GTF2IRD1: variants seen among roughly 807,000 people sequenced by gnomAD.
The protein encoded by GTF2IRD1 is general transcription factor II-I repeat domain-containing protein 1.
Under a neutral mutation model 113.2 loss-of-function variants are expected in GTF2IRD1, and 26 were observed. That is an observed-to-expected ratio of 0.23 (90% confidence interval 0.17 to 0.32). The LOEUF (loss-of-function observed/expected upper bound fraction) is 0.32. GTF2IRD1 is among the 10% of genes least tolerant of loss of function. The pLI, the probability that GTF2IRD1 is intolerant of heterozygous loss-of-function variation, is 1.00. For missense variants in GTF2IRD1, 864 were observed against 1,280.8 expected (o/e 0.67, Z 4.97); for synonymous variants, 484 against 529.1 (o/e 0.91, Z 1.17).
chr7:74,474,711 G>A (rs1483908091), intron 1 of GTF2IRD1, among the ~76,000 whole-genome samples: 1 of 152,146 alleles, frequency 6.6e-6, no homozygotes, highest in African/African-American at 2.4e-5. Context: ...GTTGCGAGAT[G>A]CCCATCAGCA....
chr7:74,486,600 C>T (rs1795041877), intron 1 of GTF2IRD1, among the ~76,000 whole-genome samples: 1 of 152,074 alleles, frequency 6.6e-6, no homozygotes, highest in Admixed American at 6.6e-5. Flanking sequence ...GTGGCCCCTA[C>T]AGAAGAGGAG....
At chr7:74,509,718 G>A (rs879966684) in intron 2 of GTF2IRD1, among the ~76,000 whole-genome samples, 11 of 151,928 alleles carry the variant, frequency 7.2e-5, no homozygotes, top group Non-Finnish European at 1.3e-4. Flanking sequence ...CTGTCGCCAG[G>A]CTGGAGTGCA....
In GTF2IRD1 at chr7:74,583,586, T is replaced by TACAGTAGCTGTAGAAAGAAGCTA. The variant is rs1583955225; in HGVS notation, c.2321-6265_2321-6264insACAGTAGCTGTAGAAAGAAGCTA. 3.3e-5 allele frequency among the ~76,000 whole-genome samples: 5 copies of TACAGTAGCTGTAGAAAGAAGCTA among 151,670 alleles called. No individual in the cohort carries two copies. In the East Asian group the frequency reaches 9.7e-4, roughly 29 times the overall value. On this transcript the variant is annotated intron_variant, in intron 22 of 26. Transcript: ENST00000424337. ...ACGCCTCCCCAAACTGCCAGCCCCCTCAGCCAGCCCGGCCCCACTTTCCTG... is the reference window on the plus strand; with the variant it reads ...ACGCCTCCCCAAACTGCCAGCCCCCTACAGTAGCTGTAGAAAGAAGCTACAGCCAGCCCGGCCCCACTTTCCTG...
At chr7:74,563,926 A>G (rs587740952) in intron 22 of GTF2IRD1, among the ~76,000 whole-genome samples, 3 of 151,718 alleles carry the variant, frequency 2.0e-5, no homozygotes, top group African/African-American at 7.3e-5. Context: ...AGATTTTTTT[A>G]GGTCACTTAT....
At chr7:74,571,350 G>C (rs1262381290) in intron 22 of GTF2IRD1, among the ~76,000 whole-genome samples, 1 of 152,228 alleles carries the variant, frequency 6.6e-6, no homozygotes, top group Admixed American at 6.5e-5. Context: ...AGGATGGAGC[G>C]GGGACAGCCT....
In GTF2IRD1 at chr7:74,575,143, CG is replaced by C. The variant is rs1800961454; in HGVS notation, c.2321-14702del. Among the ~76,000 whole-genome samples the C allele has an allele frequency of 2.0e-5, 3 of 152,072 alleles. No homozygotes were observed. The South Asian group carries it at 6.2e-4, about 32-fold the overall frequency. On this transcript the variant is annotated intron_variant, in intron 22 of 26. Coordinates refer to ENST00000424337, the MANE Select transcript of GTF2IRD1 (RefSeq NM_005685.4). ...GCCTCACGGAGCCTACATGGTGGGGCGGGGGGATAAACAGAAAATCTGCAAA... is the reference window on the plus strand; with the variant it reads ...GCCTCACGGAGCCTACATGGTGGGGCGGGGGATAAACAGAAAATCTGCAAA...
intron 22 of GTF2IRD1, among the ~76,000 whole-genome samples, chr7:74,565,688 G>T (rs1554360483): frequency 1.3e-5 from 2 of 151,036 alleles, no homozygotes; most frequent in African/African-American, 2.4e-5. Context: ...ACCTAAAGGG[G>T]GTCGGGCATG....
intron 1 of GTF2IRD1, among the ~76,000 whole-genome samples, chr7:74,476,657 G>A (rs1268810030): frequency 1.3e-5 from 2 of 151,970 alleles, no homozygotes; most frequent in African/African-American, 4.8e-5. Flanking sequence ...GTACTCTCCT[G>A]CCTCTAGCCT....
chr7:74,601,266 G>C (rs782742190), intron 26 of GTF2IRD1, 86 bp downstream of exon 26: 42 of 1,550,654 alleles, frequency 2.7e-5, no homozygotes, highest in Non-Finnish European at 3.7e-5. Flanking sequence ...CTGGGATGTG[G>C]GCCCAGGGGA....
intron 16 of GTF2IRD1, among the ~76,000 whole-genome samples, chr7:74,546,566 G>A (rs1554353302): frequency 6.6e-6 from 1 of 152,100 alleles, no homozygotes; most frequent in Non-Finnish European, 1.5e-5. Context: ...CGTGTCCTAA[G>A]ACCCACTTTA....
intron 16 of GTF2IRD1, among the ~76,000 whole-genome samples, chr7:74,546,794 G>A (rs1229130765): frequency 2.6e-5 from 4 of 152,218 alleles, no homozygotes; most frequent in Non-Finnish European, 5.9e-5. Flanking sequence ...AGCCATTAGT[G>A]GTGGCTTCTG....
chr7:74,579,246 T>A (rs1554365419), intron 22 of GTF2IRD1, among the ~76,000 whole-genome samples: 5 of 152,140 alleles, frequency 3.3e-5, no homozygotes. Flanking sequence ...AGGTCAAGGC[T>A]GCAGTGAGCT....
At chr7:74,530,037 C>G (rs1740488577) in intron 9 of GTF2IRD1, 120 bp downstream of exon 9, 2 of 670,222 alleles carry the variant, frequency 3.0e-6, no homozygotes, top group Admixed American at 5.3e-5. Context: ...TGGCAAAACC[C>G]CGTCTCTATT....
intron 8 of GTF2IRD1, among the ~76,000 whole-genome samples, chr7:74,525,991 T>C (rs1554347166): frequency 6.6e-6 from 1 of 152,128 alleles, no homozygotes; most frequent in African/African-American, 2.4e-5. Flanking sequence ...GATAGCCAGC[T>C]ACCTTTGATG....
chr7:74,528,296 G>A (rs1583798513), intron 8 of GTF2IRD1, among the ~76,000 whole-genome samples: 2 of 152,078 alleles, frequency 1.3e-5, no homozygotes, highest in East Asian at 1.9e-4. Context: ...CTGCATCTTC[G>A]AACTCCTGGA....
At chr7:74,473,451 G>T (rs1471218960) in intron 1 of GTF2IRD1, among the ~76,000 whole-genome samples, 2 of 151,446 alleles carry the variant, frequency 1.3e-5, no homozygotes, top group Admixed American at 6.6e-5. Flanking sequence ...TTGAGAGAGG[G>T]TCTTCCTCTG....
At chr7:74,457,877 GTTTT>G (rs1219714627) in intron 1 of GTF2IRD1, among the ~76,000 whole-genome samples, 1 of 122,772 alleles carries the variant, frequency 8.1e-6, no homozygotes, top group Non-Finnish European at 1.7e-5. Context: ...TTACGTTTTT[GTTTT>G]TTTTTTTTTT....
At position 74,512,720 on chromosome 7, in the gene GTF2IRD1, C is replaced by T; in HGVS notation, c.124-110C>T. 1 of 981,682 alleles carries T rather than the reference C, an allele frequency of 1.0e-6. No individual in the cohort carries two copies. Among genetic ancestry groups the T allele is most frequent in the Non-Finnish European group, 1.5e-6 (1 of 657,156 alleles). 60.8% of individuals were successfully genotyped at this position (981,682 alleles called of 1,614,324 possible). A position where few individuals can be genotyped will look rare whatever the true frequency, so the allele number is the denominator to read the frequency against. On this transcript the variant is annotated intron_variant, in intron 2 of 26. Coordinates refer to ENST00000424337, the MANE Select transcript of GTF2IRD1 (RefSeq NM_005685.4). The surrounding 1 kb of genome is among the most constrained non-coding windows in gnomAD (Gnocchi z 4.4). ...GAGGGGCCGTCTGTCCCTGGAGCTG[C>T]TGCTGGGGTCTCAGGCAGCTGGGAG...
chr7:74,552,470 C>T (rs1435312504), intron 17 of GTF2IRD1, among the ~76,000 whole-genome samples: 1 of 151,952 alleles, frequency 6.6e-6, no homozygotes. Context: ...GAGCTGAGAT[C>T]GCGCCCCTGC....
Sources: gnomAD v4.1 joint callset for allele counts (sites outside exome capture counted in the v4.1 genomes callset) on GRCh38, gnomAD v4.1.1 for gene constraint, Gnocchi (gnomAD v3.1) non-coding constraint, MANE v1.5 for transcripts, NCBI Gene and HGNC (gene_info 2026-07-23, HGNC 2026-07-21) for gene names.